GLP2R: variants seen among roughly 807,000 people sequenced by gnomAD.
GLP2R encodes the protein glucagon like peptide 2 receptor.
GLP2R carries 59 observed loss-of-function variants against 68.2 expected under a neutral mutation model. The ratio of observed to expected loss-of-function variants is 0.87; its 90% CI spans 0.70 to 1.07. The LOEUF is 1.07. Ranked by LOEUF, GLP2R falls within the 50% of genes least tolerant of loss-of-function variation. GLP2R has a pLI of 0.00. For synonymous variants in GLP2R, 270 were observed against 265.4 expected (o/e 1.02, Z -0.17); for missense variants, 548 against 677.4 (o/e 0.81, Z 2.12).
At chr17:9,846,106 A>G (rs1389349257) in intron 4 of GLP2R, among the ~76,000 whole-genome samples, 1 of 152,204 alleles carries the variant, frequency 6.6e-6, no homozygotes, top group Non-Finnish European at 1.5e-5. Context: ...TAAATATGTC[A>G]ATACTGTTTT....
intron 4 of GLP2R, among the ~76,000 whole-genome samples, chr17:9,847,497 T>C (rs1402356640): frequency 6.6e-6 from 1 of 152,142 alleles, no homozygotes; most frequent in Admixed American, 6.6e-5. Flanking sequence ...CTCGAATGCC[T>C]GACCTCGTGA....
At chr17:9,871,721 C>T (rs1197358794) in intron 10 of GLP2R, among the ~76,000 whole-genome samples, 3 of 102,308 alleles carry the variant, frequency 2.9e-5, no homozygotes, top group African/African-American at 4.0e-5. Context: ...TACTTTCTTT[C>T]TTTTTTTTTT....
chr17:9,836,627 A>G, intron 3 of GLP2R, 152 bp downstream of exon 3: 1 of 541,752 alleles, frequency 1.8e-6, no homozygotes, highest in Non-Finnish European at 3.3e-6. Context: ...TTATGTATGT[A>G]TGTATATATT....
At chr17:9,853,301 T>C in intron 4 of GLP2R, 1 of 261,826 alleles carries the variant, frequency 3.8e-6, no homozygotes, top group Non-Finnish European at 7.5e-6. Context: ...CTCCATCGAG[T>C]CCTCCATGGG....
chr17:9,868,746 C>T (rs997917291), intron 9 of GLP2R, among the ~76,000 whole-genome samples: 1 of 152,164 alleles, frequency 6.6e-6, no homozygotes, highest in African/African-American at 2.4e-5. Flanking sequence ...TGTCTGGTCT[C>T]TGGAAGACAC....
At chr17:9,829,513 G>A (rs986065935) in intron 1 of GLP2R, among the ~76,000 whole-genome samples, 22 of 152,038 alleles carry the variant, frequency 1.4e-4, no homozygotes, top group African/African-American at 4.1e-4. Context: ...AACAACATAG[G>A]CATTCAACGC....
At chr17:9,838,828 C>T (rs2066758067) in intron 3 of GLP2R, among the ~76,000 whole-genome samples, 1 of 152,194 alleles carries the variant, frequency 6.6e-6, no homozygotes, top group Non-Finnish European at 1.5e-5. Flanking sequence ...GGAGGAGAGT[C>T]CCTGTGAGAT....
chr17:9,845,876 T>C (rs187934393), intron 4 of GLP2R, among the ~76,000 whole-genome samples: 2 of 152,164 alleles, frequency 1.3e-5, no homozygotes, highest in African/African-American at 2.4e-5. Flanking sequence ...ATAAATCTAG[T>C]AAGTTAGTCT....
intron 11 of GLP2R, among the ~76,000 whole-genome samples, chr17:9,885,271 C>T (rs1230113916): frequency 6.6e-6 from 1 of 151,710 alleles, no homozygotes; most frequent in Non-Finnish European, 1.5e-5. Flanking sequence ...CTCACCGCAA[C>T]CTCCACCTCC....
chr17:9,886,016 G>T (rs1428871770), intron 11 of GLP2R, among the ~76,000 whole-genome samples: 1 of 152,186 alleles, frequency 6.6e-6, no homozygotes, highest in East Asian at 1.9e-4. Flanking sequence ...CTTGTGTGTG[G>T]GCAGAGGACT....
chr17:9,887,806 C>T (rs1016462707), intron 11 of GLP2R, 126 bp from the exon 12 acceptor site: 1 of 766,900 alleles, frequency 1.3e-6, no homozygotes, highest in East Asian at 2.4e-5. Flanking sequence ...TTAGTGTAAG[C>T]AATGCAGTTG....
chr17:9,888,090 T>C, intron 12 of GLP2R, 117 bp downstream of exon 12: 2 of 806,624 alleles, frequency 2.5e-6, no homozygotes, highest in Non-Finnish European at 4.5e-6. Flanking sequence ...GTGACCAGCA[T>C]GTGTGGGGAC....
At chr17:9,865,616 C>A (rs1264593287) in intron 9 of GLP2R, among the ~76,000 whole-genome samples, 1 of 152,140 alleles carries the variant, frequency 6.6e-6, no homozygotes, top group Non-Finnish European at 1.5e-5. Flanking sequence ...TCCTCCCATG[C>A]ACACATAAGC....
chr17:9,879,292 A>AAAATAAAAT (rs1555574074), intron 10 of GLP2R, among the ~76,000 whole-genome samples: 2 of 16,748 alleles, frequency 1.2e-4, no homozygotes, highest in Admixed American at 5.9e-4. Context: ...AAAATAAAAT[A>AAAATAAAAT]AATAAAATAA....
intron 6 of GLP2R, among the ~76,000 whole-genome samples, chr17:9,859,205 T>A (rs2066961645): frequency 6.6e-6 from 1 of 152,212 alleles, no homozygotes; most frequent in Non-Finnish European, 1.5e-5. Context: ...TTGTTTCAAT[T>A]TTTTCTTTGA....
At chr17:9,842,146 G>A (rs1171287209) in intron 3 of GLP2R, among the ~76,000 whole-genome samples, 3 of 152,142 alleles carry the variant, frequency 2.0e-5, no homozygotes. Flanking sequence ...TGCATGGCAT[G>A]AGCCTCAGGA....
At chr17:9,872,975 C>T (rs1244256978) in intron 10 of GLP2R, among the ~76,000 whole-genome samples, 1 of 152,180 alleles carries the variant, frequency 6.6e-6, no homozygotes, top group Non-Finnish European at 1.5e-5. Flanking sequence ...ACCCGTAGCC[C>T]TGGGGAGCCG....
chr17:9,846,955 G>A (rs1025591380), intron 4 of GLP2R, among the ~76,000 whole-genome samples: 1 of 152,238 alleles, frequency 6.6e-6, no homozygotes, highest in Non-Finnish European at 1.5e-5. Flanking sequence ...TGGTGTAGGT[G>A]TGTTAGTAAA....
chr17:9,853,390 G>A (rs1027059812), intron 4 of GLP2R: 16 of 157,788 alleles, frequency 1.0e-4, no homozygotes, highest in Admixed American at 3.2e-4. Context: ...TGTGCAGGAC[G>A]GAATCACACC....
Sources: allele counts gnomAD v4.1 joint callset (sites outside exome capture counted in the v4.1 genomes callset), GRCh38; gene constraint gnomAD v4.1.1; transcripts MANE v1.5; gene names NCBI Gene and HGNC (gene_info 2026-07-23, HGNC 2026-07-21).